The following ENAH variants were observed in gnomAD, a reference collection of about 807,000 sequenced individuals.
ENAH encodes the protein ENAH actin regulator.
ENAH carries 23 observed loss-of-function variants against 78.7 expected under a neutral mutation model. That is an observed-to-expected ratio of 0.29 (90% CI 0.21 to 0.41). The LOEUF is 0.41. Among genes scored for constraint, ENAH ranks in the 10% least tolerant of loss-of-function variants. The probability of loss-of-function intolerance (pLI) is 1.00; values close to 1 mark genes in which losing one functional copy is unlikely to be tolerated. For synonymous variants in ENAH, 226 were observed against 241.0 expected (o/e 0.94, Z 0.58); for missense variants, 544 against 691.0 (o/e 0.79, Z 2.39).
chr1:225,554,867 A>G, intron 3 of ENAH, 39 bp downstream of exon 3: 2 of 1,446,074 alleles, frequency 1.4e-6, no homozygotes, highest in Non-Finnish European at 1.9e-6. Context: ...TTGTCTCTGG[A>G]AAAAGAAAGA....
At chr1:225,550,955 C>A (rs952451692) in intron 3 of ENAH, among the ~76,000 whole-genome samples, 1 of 151,974 alleles carries the variant, frequency 6.6e-6, no homozygotes, top group Non-Finnish European at 1.5e-5. Flanking sequence ...AAAAGTTGGG[C>A]AAATTTGCCT....
chr1:225,503,658 C>CAAAAAAAAAAAAAAA (rs10683254), intron 11 of ENAH, among the ~76,000 whole-genome samples: 3 of 82,946 alleles, frequency 3.6e-5, no homozygotes, highest in African/African-American at 5.1e-5. Flanking sequence ...CAAACCACCT[C>CAAAAAAAAAAAAAAA]AAAAAAAAAA....
rs565372249 is a variant in ENAH, at chr1:225,496,310, G to C, written c.*1465C>G. The C allele has an allele frequency of 6.6e-6, 1 of 152,336 alleles. No individual in the cohort carries two copies. Among genetic ancestry groups the C allele is most frequent in the South Asian group, 2.1e-4 (1 of 4,830 alleles). The allele number at this position is 152,336 out of a possible 1,614,324, so 9.4% of individuals were successfully genotyped here. ...ACACACACGCAGAGTGGCAGGCAGA[G>C]TGTCTAATTCCTTCTTCCCACCTTC... On this transcript the variant is annotated 3_prime_UTR_variant, in exon 14 of 14. Transcript: ENST00000366843.
At chr1:225,610,373 T>C (rs916146682) in intron 1 of ENAH, among the ~76,000 whole-genome samples, 1 of 152,172 alleles carries the variant, frequency 6.6e-6, no homozygotes, top group African/African-American at 2.4e-5. Context: ...AATATTGCTT[T>C]CTGTTCCAGT....
At chr1:225,598,386 A>C (rs1175517972) in intron 1 of ENAH, among the ~76,000 whole-genome samples, 1 of 152,068 alleles carries the variant, frequency 6.6e-6, no homozygotes, top group Non-Finnish European at 1.5e-5. Flanking sequence ...AGAGAGTGAA[A>C]AAAAAAGGAA....
At chr1:225,511,919 T>C in intron 9 of ENAH, 60 bp from the exon 10 acceptor site, 2 of 1,168,732 alleles carry the variant, frequency 1.7e-6, no homozygotes, top group Non-Finnish European at 2.5e-6. Context: ...TATATACATT[T>C]AGTGTTTTAC....
chr1:225,613,120 C>T (rs1214695429), intron 1 of ENAH, among the ~76,000 whole-genome samples: 2 of 152,194 alleles, frequency 1.3e-5, no homozygotes, highest in Non-Finnish European at 2.9e-5. Context: ...AAAGCAAGCT[C>T]ATTTTCATTG....
chr1:225,537,211 T>C (rs2096566092), intron 3 of ENAH, among the ~76,000 whole-genome samples: 1 of 152,190 alleles, frequency 6.6e-6, no homozygotes, highest in South Asian at 2.1e-4. Flanking sequence ...GCAAAGATAC[T>C]GCCACATCCC....
rs1440731016 is a variant in ENAH at position 225,512,520 on chromosome 1, C to CA, written c.1422+136dup. 117 of 807,120 alleles carry CA rather than the reference C, an allele frequency of 1.4e-4. No homozygotes were observed. The Middle Eastern group carries it at 3.0e-3, about 20-fold the overall frequency. The allele number at this position is 807,120 out of a possible 1,614,324, so 50.0% of individuals were successfully genotyped here. A position where few individuals can be genotyped will look rare whatever the true frequency, so the allele number is the denominator to read the frequency against. ...ATAACAGTCAAAACAAGCCACTTCA[C>CA]ATGCATAGTTAAAAATTAGCAAATA... On this transcript the variant is annotated intron_variant, in intron 9 of 13. Transcript: ENST00000366843.
At position 225,611,733 on chromosome 1, in the gene ENAH, G is replaced by A. The variant is rs528055097; in HGVS notation, c.5+40953C>T. On this transcript the variant is annotated intron_variant, in intron 1 of 13. Coordinates refer to ENST00000366843, the MANE Select transcript of ENAH (RefSeq NM_018212.6). ...GCCCAGGAGGTCAAGGCTGCAGTGA[G>A]CTGTGTTCACACCACTGCACTCCAG... Among the ~76,000 whole-genome samples the A allele has an allele frequency of 2.0e-5, 3 of 152,276 alleles. No homozygotes were observed. The East Asian group carries it at 5.8e-4, about 29-fold the overall frequency.
chr1:225,608,493 T>G (rs535819761), intron 1 of ENAH, among the ~76,000 whole-genome samples: 1 of 151,782 alleles, frequency 6.6e-6, no homozygotes, highest in East Asian at 1.9e-4. Flanking sequence ...TCCTAAAGGT[T>G]TCCAGAAAGA....
rs184034866 is a variant in ENAH at position 225,537,233 on chromosome 1, T to C, written c.350-6595A>G. ...TACTGCCACATCCCATTACCAATCA[T>C]GTTGGCAAAAAGTCATCTGACAAGT... On this transcript the variant is annotated intron_variant, in intron 3 of 13. Transcript: ENST00000366843. 3.9e-3 allele frequency among the ~76,000 whole-genome samples: 593 copies of C among 152,284 alleles called. 8 individuals are homozygous for C. Among genetic ancestry groups the C allele is most frequent in the African/African-American group, 0.014 (574 of 41,568 alleles).
In ENAH at chr1:225,492,378, G is replaced by C. The variant is rs1223267932; in HGVS notation, c.*5397C>G. On this transcript the variant is annotated 3_prime_UTR_variant, in exon 14 of 14. Coordinates refer to ENST00000366843, the MANE Select transcript of ENAH (RefSeq NM_018212.6). ...AGCTATTTAGATGTCCTAACTACTAGGAATTATATGTCTTTAAAAACTGAG... is the reference window on the plus strand; with the variant it reads ...AGCTATTTAGATGTCCTAACTACTACGAATTATATGTCTTTAAAAACTGAG... 2.0e-5 allele frequency: 3 copies of C among 152,062 alleles called. No individual in the cohort carries two copies. The highest frequency in any genetic ancestry group is 7.2e-5 in the African/African-American group (3 of 41,384). The allele number at this position is 152,062 out of a possible 1,614,324, so 9.4% of individuals were successfully genotyped here.
chr1:225,501,207 C>A, intron 11 of ENAH, 137 bp from the exon 12 acceptor site: 1 of 617,664 alleles, frequency 1.6e-6, no homozygotes, highest in East Asian at 2.9e-5. Context: ...AAAAAATTAT[C>A]AAAATTGTAG....
intron 1 of ENAH, among the ~76,000 whole-genome samples, chr1:225,600,820 A>G (rs2096927061): frequency 6.6e-6 from 1 of 152,222 alleles, no homozygotes; most frequent in Non-Finnish European, 1.5e-5. Flanking sequence ...ACTGCACTGC[A>G]GCCTGGGAGA....
intron 6 of ENAH, among the ~76,000 whole-genome samples, chr1:225,516,185 G>C (rs2096415803): frequency 6.6e-6 from 1 of 152,126 alleles, no homozygotes; most frequent in African/African-American, 2.4e-5. Context: ...ATAACAATAA[G>C]GTAGGGACGG....
At chr1:225,505,271 T>C (rs1029598532) in intron 11 of ENAH, among the ~76,000 whole-genome samples, 2 of 152,188 alleles carry the variant, frequency 1.3e-5, no homozygotes, top group Non-Finnish European at 1.5e-5. Context: ...CATTACACAA[T>C]GGCTACTTTT....
At chr1:225,625,137 C>T (rs954145760) in intron 1 of ENAH, among the ~76,000 whole-genome samples, 3 of 152,036 alleles carry the variant, frequency 2.0e-5, no homozygotes, top group African/African-American at 7.2e-5. Flanking sequence ...GTTTTCATTC[C>T]AAGAGTCAAA....
chr1:225,527,163 G>C (rs912584879), intron 4 of ENAH, among the ~76,000 whole-genome samples: 1 of 152,056 alleles, frequency 6.6e-6, no homozygotes, highest in Non-Finnish European at 1.5e-5. Context: ...TCACAGCTGT[G>C]AATTTATAAT....
Sources: allele counts gnomAD v4.1 joint callset (sites outside exome capture counted in the v4.1 genomes callset), GRCh38; gene constraint gnomAD v4.1.1; transcripts MANE v1.5; gene names NCBI Gene and HGNC (gene_info 2026-07-23, HGNC 2026-07-21).